The following RNF220 variants were observed in gnomAD, a reference collection of about 807,000 sequenced individuals.
The protein encoded by RNF220 is ring finger protein 220.
RNF220 carries 7 observed loss-of-function variants against 67.1 expected under a neutral mutation model. The observed-to-expected ratio is 0.10, with a 90% CI of 0.06 to 0.20. The LOEUF (loss-of-function observed/expected upper bound fraction) is 0.20. Among genes scored for constraint, RNF220 ranks in the 10% least tolerant of loss-of-function variants. The probability of loss-of-function intolerance (pLI) is 1.00; values close to 1 mark genes in which losing one functional copy is unlikely to be tolerated. For synonymous variants in RNF220, 270 were observed against 283.2 expected, an observed-to-expected ratio of 0.95 and a Z score of 0.47; for missense variants, 565 against 740.3, an observed-to-expected ratio of 0.76 and a Z score of 2.75.
chr1:44,504,357 G>A (rs1419844653), intron 2 of RNF220, among the ~76,000 whole-genome samples: 1 of 152,210 alleles, frequency 6.6e-6, no homozygotes, highest in Non-Finnish European at 1.5e-5. Flanking sequence ...CAAGGATGTG[G>A]ATATGAATGG....
At chr1:44,548,742 T>G (rs1334859191) in intron 2 of RNF220, among the ~76,000 whole-genome samples, 3 of 152,152 alleles carry the variant, frequency 2.0e-5, no homozygotes, top group African/African-American at 7.2e-5. Flanking sequence ...TCCTCCTACT[T>G]CAGCCTCCCA....
At chr1:44,452,212 A>G (rs1338997197) in intron 2 of RNF220, among the ~76,000 whole-genome samples, 2 of 152,092 alleles carry the variant, frequency 1.3e-5, no homozygotes, top group Non-Finnish European at 2.9e-5. Flanking sequence ...TTTGTGTGCA[A>G]ACACCACACT....
intron 5 of RNF220, among the ~76,000 whole-genome samples, chr1:44,629,732 TAGA>T (rs1451761073): frequency 6.6e-6 from 1 of 151,890 alleles, no homozygotes; most frequent in Non-Finnish European, 1.5e-5. Context: ...GATACTACAG[TAGA>T]AGGAGGAGAA....
At chr1:44,537,517 T>A (rs1258524412) in intron 2 of RNF220, among the ~76,000 whole-genome samples, 1 of 152,160 alleles carries the variant, frequency 6.6e-6, no homozygotes, top group Non-Finnish European at 1.5e-5. Context: ...TAGAGGGGGA[T>A]CCATAGACTT....
Position 44,645,344 on chromosome 1 carries a change from A to C in RNF220, c.1367-66A>C, listed in dbSNP as rs1204426562. On this transcript the variant is annotated intron_variant, in intron 11 of 14. Transcript: ENST00000361799. This position sits in a 1 kb window ranked among gnomAD's most constrained non-coding sequence, Gnocchi z 5.0. Reference sequence around the variant, plus strand: ...ATCCCTAGATGGTGGTGACTGACTCAAGCCCAACCCCTCACCTGTGCTGCC... The same window carrying C: ...ATCCCTAGATGGTGGTGACTGACTCCAGCCCAACCCCTCACCTGTGCTGCC... The C allele has an allele frequency of 6.2e-7, 1 of 1,613,274 alleles. No homozygotes were observed. Among genetic ancestry groups the C allele is most frequent in the South Asian group, 1.1e-5 (1 of 91,060 alleles).
At chr1:44,593,858 G>T (rs1216535303) in intron 2 of RNF220, among the ~76,000 whole-genome samples, 1 of 152,176 alleles carries the variant, frequency 6.6e-6, no homozygotes, top group Non-Finnish European at 1.5e-5. Flanking sequence ...CAAGGCGTGG[G>T]TGGATCATTT....
chr1:44,648,216 G>A (rs1644701055), intron 12 of RNF220: 1 of 152,198 alleles, frequency 6.6e-6, no homozygotes. Context: ...CCATCTCCCT[G>A]ACTCTGTGGG....
intron 2 of RNF220, among the ~76,000 whole-genome samples, chr1:44,425,689 T>C (rs1319754570): frequency 6.6e-6 from 1 of 152,204 alleles, no homozygotes; most frequent in African/African-American, 2.4e-5. Flanking sequence ...AAATGGGAGA[T>C]GGTAGATAAT....
intron 2 of RNF220, among the ~76,000 whole-genome samples, chr1:44,580,054 A>AAAAAG (rs1665143360): frequency 7.0e-6 from 1 of 143,560 alleles, no homozygotes; most frequent in Non-Finnish European, 1.5e-5. Flanking sequence ...AAAAAAAAAA[A>AAAAAG]AAAGAAAGAA....
chr1:44,628,512 T>C (rs1644023199), intron 5 of RNF220, among the ~76,000 whole-genome samples: 1 of 152,214 alleles, frequency 6.6e-6, no homozygotes, highest in African/African-American at 2.4e-5. Flanking sequence ...CCCAAGACCC[T>C]GTTCTAGACT....
rs1311221147 is a variant in RNF220, at chr1:44,501,092, C to T, written c.625+88370C>T. Among the ~76,000 whole-genome samples the T allele has an allele frequency of 4.6e-5, 7 of 150,790 alleles. No homozygotes were observed. The East Asian group carries it at 1.4e-3, about 30-fold the overall frequency. The stretch of plus-strand genomic sequence containing the variant: ...GGGGTATCGGGAGACAATAGGAGAG[C>T]CCAGAGCCAGCTCTCCCTTTCCACC... On this transcript the variant is annotated intron_variant, in intron 2 of 14. Coordinates refer to ENST00000361799, the MANE Select transcript of RNF220 (RefSeq NM_018150.4).
chr1:44,408,323 A>T (rs972180139), intron 1 of RNF220, among the ~76,000 whole-genome samples: 2 of 152,162 alleles, frequency 1.3e-5, no homozygotes, highest in South Asian at 4.1e-4. Flanking sequence ...CCCGGGTCCA[A>T]ATCTGGGACC....
At position 44,649,560 on chromosome 1, in the gene RNF220, G is replaced by A. The variant is rs976042840; in HGVS notation, c.1446-101G>A. ...AAGGGGGCAGGCAGGGATGCCTAGGGGACATTTATGTATTTGGTTCTGGAA... is the reference window on the plus strand; with the variant it reads ...AAGGGGGCAGGCAGGGATGCCTAGGAGACATTTATGTATTTGGTTCTGGAA... On this transcript the variant is annotated intron_variant, in intron 12 of 14. Coordinates refer to ENST00000361799, the MANE Select transcript of RNF220 (RefSeq NM_018150.4). This position sits in a 1 kb window ranked among gnomAD's most constrained non-coding sequence, Gnocchi z 5.9. The A allele has an allele frequency of 9.3e-7, 1 of 1,070,110 alleles. No homozygotes were observed. The highest frequency in any genetic ancestry group is 1.6e-5 in the African/African-American group (1 of 64,238). The allele number at this position is 1,070,110 out of a possible 1,614,324, so 66.3% of individuals were successfully genotyped here. A position where few individuals can be genotyped will look rare whatever the true frequency, so the allele number is the denominator to read the frequency against.
chr1:44,430,036 G>A (rs1229768036), intron 2 of RNF220, among the ~76,000 whole-genome samples: 1 of 149,316 alleles, frequency 6.7e-6, no homozygotes, highest in Non-Finnish European at 1.5e-5. Flanking sequence ...AAATGAGTTA[G>A]AGCCGTAAGT....
chr1:44,554,384 C>T (rs1662905165), intron 2 of RNF220, among the ~76,000 whole-genome samples: 1 of 151,882 alleles, frequency 6.6e-6, no homozygotes. Flanking sequence ...TCTCGCCTAC[C>T]CTTACTCCTT....
intron 2 of RNF220, among the ~76,000 whole-genome samples, chr1:44,520,364 G>A (rs1334750832): frequency 3.3e-5 from 5 of 152,138 alleles, no homozygotes; most frequent in African/African-American, 9.7e-5. Context: ...TACTTGGGAG[G>A]CTGAGGCAGG....
At chr1:44,444,871 G>A (rs1255574172) in intron 2 of RNF220, among the ~76,000 whole-genome samples, 1 of 152,128 alleles carries the variant, frequency 6.6e-6, no homozygotes, top group Non-Finnish European at 1.5e-5. Flanking sequence ...AGTTTCCTGA[G>A]GGTAGAGACC....
At chr1:44,499,995 TCCATCTCTACCACATGACC>T (rs144042578) in intron 2 of RNF220, among the ~76,000 whole-genome samples, 65,787 of 151,716 alleles carry the variant, frequency 0.43, 15,762 homozygotes, top group Non-Finnish European at 0.55. Context: ...ACAGCTTCTC[TCCATCTCTACCACATGACC>T]CTGGACCAAG....
chr1:44,471,881 C>G (rs1654845843), intron 2 of RNF220, among the ~76,000 whole-genome samples: 1 of 152,142 alleles, frequency 6.6e-6, no homozygotes, highest in Non-Finnish European at 1.5e-5. Context: ...AATTCCCCCT[C>G]TTCTCCATCT....
Sources: allele counts gnomAD v4.1 joint callset (sites outside exome capture counted in the v4.1 genomes callset), GRCh38; gene constraint gnomAD v4.1.1; non-coding constraint Gnocchi (gnomAD v3.1); transcripts MANE v1.5; gene names NCBI Gene and HGNC (gene_info 2026-07-23, HGNC 2026-07-21).